Variants in SLC22A2 observed in about 807,000 individuals in gnomAD.
SLC22A2 encodes the protein solute carrier family 22 member 2.
A neutral mutation model predicts 60.5 loss-of-function variants in SLC22A2; 46 were observed. The observed-to-expected ratio is 0.76, with a 90% CI of 0.60 to 0.97. SLC22A2 has a LOEUF of 0.97. SLC22A2 is among the 50% of genes least tolerant of loss of function. SLC22A2 has a pLI of 0.00. For synonymous variants in SLC22A2, 303 were observed against 267.0 expected (o/e 1.13, Z -1.31); for missense variants, 701 against 706.6 (o/e 0.99, Z 0.09).
intron 5 of SLC22A2, 61 bp from the exon 6 acceptor site, chr6:160,245,606 T>C: frequency 2.0e-6 from 2 of 991,250 alleles, no homozygotes. Context: ...CTGGGTCACA[T>C]AGGGAATAAC....
chr6:160,246,025 G>A (rs551854728), intron 5 of SLC22A2, among the ~76,000 whole-genome samples: 54 of 151,936 alleles, frequency 3.6e-4, no homozygotes, highest in Admixed American at 1.1e-3. Context: ...CCGCCACCAT[G>A]CCCAGCTAAT....
intron 9 of SLC22A2, among the ~76,000 whole-genome samples, chr6:160,228,377 T>C (rs1782760857): frequency 6.6e-6 from 1 of 152,120 alleles, no homozygotes; most frequent in African/African-American, 2.4e-5. Flanking sequence ...TAGAGTCTCT[T>C]CTAAGACAGA....
At chr6:160,256,840 T>A in intron 1 of SLC22A2, 123 bp from the exon 2 acceptor site, 1 of 642,838 alleles carries the variant, frequency 1.6e-6, no homozygotes, top group Non-Finnish European at 2.8e-6. Flanking sequence ...ACTGTATAGT[T>A]AAGTGGCAAT....
At chr6:160,250,009 T>C (rs1783157584) in intron 3 of SLC22A2, among the ~76,000 whole-genome samples, 1 of 152,218 alleles carries the variant, frequency 6.6e-6, no homozygotes, top group Non-Finnish European at 1.5e-5. Context: ...TCTCTTATAG[T>C]ATATGGAACT....
intron 9 of SLC22A2, among the ~76,000 whole-genome samples, chr6:160,233,120 G>A (rs187635738): frequency 7.9e-5 from 12 of 152,026 alleles, no homozygotes; most frequent in South Asian, 2.1e-4. Context: ...CATCAAGCTC[G>A]GGGATTTGCC....
chr6:160,236,802 G>C (rs1782919143), intron 9 of SLC22A2, among the ~76,000 whole-genome samples: 1 of 151,156 alleles, frequency 6.6e-6, no homozygotes, highest in South Asian at 2.1e-4. Context: ...GACCTCAAGA[G>C]GAGAGGCATT....
chr6:160,224,079 C>T (rs1782685646), intron 10 of SLC22A2, among the ~76,000 whole-genome samples: 1 of 152,284 alleles, frequency 6.6e-6, no homozygotes, highest in Non-Finnish European at 1.5e-5. Flanking sequence ...ATAGAGGCAT[C>T]TAATTCCTAC....
At chr6:160,238,581 G>A (rs1422674454) in intron 9 of SLC22A2, among the ~76,000 whole-genome samples, 1 of 152,136 alleles carries the variant, frequency 6.6e-6, no homozygotes, top group Admixed American at 6.6e-5. Flanking sequence ...AGTCTTCTTT[G>A]ATTATCGTTT....
chr6:160,220,896 G>A (rs1215933319), intron 10 of SLC22A2, among the ~76,000 whole-genome samples: 1 of 152,126 alleles, frequency 6.6e-6, no homozygotes, highest in Non-Finnish European at 1.5e-5. Flanking sequence ...GCTATTCCAT[G>A]AGCACAAGCA....
rs1782555182 is a variant in SLC22A2, at chr6:160,217,272, C to G, written c.*160G>C. 2.4e-6 allele frequency: 1 copy of G among 416,068 alleles called. No homozygotes were observed. 25.8% of individuals were successfully genotyped at this position (416,068 alleles called of 1,614,324 possible). ...GGATCTGGTCCCATGGGTATTTTTCCACAGTGTACAATAGACTCCACTGGC... is the reference window on the plus strand; with the variant it reads ...GGATCTGGTCCCATGGGTATTTTTCGACAGTGTACAATAGACTCCACTGGC... On this transcript the variant is annotated 3_prime_UTR_variant, in exon 11 of 11. Coordinates refer to ENST00000366953, the MANE Select transcript of SLC22A2 (RefSeq NM_003058.4).
intron 9 of SLC22A2, among the ~76,000 whole-genome samples, chr6:160,234,534 C>G (rs543380141): frequency 1.2e-4 from 18 of 152,168 alleles, no homozygotes; most frequent in African/African-American, 4.3e-4. Flanking sequence ...TCTCTCCTTT[C>G]TCTTTTCTAT....
At chr6:160,232,880 AG>A (rs1782847600) in intron 9 of SLC22A2, among the ~76,000 whole-genome samples, 1 of 151,866 alleles carries the variant, frequency 6.6e-6, no homozygotes, top group African/African-American at 2.4e-5. Flanking sequence ...TTCCCACGTA[AG>A]GCAAATGGTT....
intron 9 of SLC22A2, among the ~76,000 whole-genome samples, chr6:160,237,510 G>A (rs538160049): frequency 6.6e-6 from 1 of 152,084 alleles, no homozygotes; most frequent in Non-Finnish European, 1.5e-5. Flanking sequence ...GATGCTTTCT[G>A]ACTGAGCTCC....
rs768568005 is a variant in SLC22A2 at position 160,258,596 on chromosome 6, G to C, written c.162C>G (p.Pro54=). 11 of 1,613,794 alleles carry C rather than the reference G, an allele frequency of 6.8e-6. No homozygotes were observed. The highest frequency in any genetic ancestry group is 2.7e-5 in the African/African-American group (2 of 74,944). ...GFTPDHRCRS[P]GVAELSLRCG... ...AGCGCAGACTCAGCTCGGCCACTCC[G>C]GGGCTCCGGCAGCGGTGGTCAGGGG... Residue 54 remains proline (P), a synonymous_variant, in exon 1 of 11, where the codon CCC becomes CCG. Coordinates refer to ENST00000366953, the MANE Select transcript of SLC22A2 (RefSeq NM_003058.4).
rs187040819 is a variant in SLC22A2 at position 160,224,059 on chromosome 6, A to G, written c.1601+646T>C. Among the ~76,000 whole-genome samples, 439 of 152,210 alleles carry G rather than the reference A, an allele frequency of 2.9e-3. 2 individuals carry two copies. The highest frequency in any genetic ancestry group is 0.013 in the South Asian group (64 of 4,822). ...TTTGTAATTTTTATACTACTATTGC[A>G]TTGTCCATTATAGAGGCATCTAATT... On this transcript the variant is annotated intron_variant, in intron 10 of 10. Coordinates refer to ENST00000366953, the MANE Select transcript of SLC22A2 (RefSeq NM_003058.4).
chr6:160,246,617 C>G (rs1470572140), intron 5 of SLC22A2, among the ~76,000 whole-genome samples: 1 of 152,054 alleles, frequency 6.6e-6, no homozygotes, highest in Non-Finnish European at 1.5e-5. Context: ...CGTGGTGGTG[C>G]TCGTCTGTAA....
chr6:160,231,534 C>T (rs1477856426), intron 9 of SLC22A2, among the ~76,000 whole-genome samples: 1 of 151,948 alleles, frequency 6.6e-6, no homozygotes, highest in Non-Finnish European at 1.5e-5. Context: ...TTATCACTCA[C>T]CTGCTACAGC....
At chr6:160,241,010 C>T (rs981016622) in intron 9 of SLC22A2, among the ~76,000 whole-genome samples, 2 of 151,112 alleles carry the variant, frequency 1.3e-5, no homozygotes, top group Admixed American at 6.6e-5. Flanking sequence ...TTTGAAATTG[C>T]CTTTTGCAAA....
intron 2 of SLC22A2, among the ~76,000 whole-genome samples, chr6:160,253,896 A>T (rs1406760059): frequency 1.3e-5 from 2 of 152,196 alleles, no homozygotes; most frequent in East Asian, 3.8e-4. Context: ...GGGTATATTT[A>T]CACCAGAGCA....
Sources: gnomAD v4.1 joint callset for allele counts (sites outside exome capture counted in the v4.1 genomes callset) on GRCh38, gnomAD v4.1.1 for gene constraint, MANE v1.5 for transcripts, NCBI Gene and HGNC (gene_info 2026-07-23, HGNC 2026-07-21) for gene names.